The following CNTN4 variants were observed in gnomAD, a reference collection of about 807,000 sequenced individuals.
The protein encoded by CNTN4 is contactin-4.
A neutral mutation model predicts 122.5 loss-of-function variants in CNTN4; 77 were observed. That is an observed-to-expected ratio of 0.63 (90% CI 0.52 to 0.76). CNTN4 has a LOEUF of 0.76. Ranked by LOEUF, CNTN4 falls within the 30% of genes least tolerant of loss-of-function variation. The pLI is 0.00. For synonymous variants in CNTN4, 512 were observed against 447.0 expected, an observed-to-expected ratio of 1.15 and a Z score of -1.83; for missense variants, 1,256 against 1,259.1, an observed-to-expected ratio of 1.00 and a Z score of 0.04.
chr3:2,239,946 G>A (rs2039866266), intron 2 of CNTN4, among the ~76,000 whole-genome samples: 1 of 152,140 alleles, frequency 6.6e-6, no homozygotes, highest in South Asian at 2.1e-4. Context: ...TCATAACCAT[G>A]TTAGCTCAAG....
chr3:2,918,885 G>A (rs531223607), intron 12 of CNTN4, among the ~76,000 whole-genome samples: 22 of 152,176 alleles, frequency 1.4e-4, no homozygotes, highest in Non-Finnish European at 3.1e-4. Flanking sequence ...GTAGTGTTCA[G>A]GCAAAGCCTC....
chr3:2,268,373 C>A (rs1433472263), intron 2 of CNTN4, among the ~76,000 whole-genome samples: 3 of 151,974 alleles, frequency 2.0e-5, no homozygotes, highest in African/African-American at 7.2e-5. Context: ...ATGCGTGTGA[C>A]TTCTCAGGAA....
Position 2,691,105 on chromosome 3 carries a change from T to C in CNTN4, c.56-45110T>C, listed in dbSNP as rs576382039. Among the ~76,000 whole-genome samples the C allele has an allele frequency of 2.6e-5, 4 of 152,310 alleles. No individual in the cohort carries two copies. The South Asian group carries it at 8.3e-4, about 32-fold the overall frequency. On this transcript the variant is annotated intron_variant, in intron 4 of 24. Coordinates refer to ENST00000418658, the MANE Select transcript of CNTN4 (RefSeq NM_175607.3). ...CAGTGTTTAGTTTTTATATGTGCTA[T>C]TTTTTAATATGTATGGCTTGTCTCT... is the stretch of plus-strand genomic sequence containing the variant.
At position 2,900,145 on chromosome 3, in the gene CNTN4, A is replaced by G. The variant is rs577417724; in HGVS notation, c.941-540A>G. ...AGCTTCCATGTCTGCACCCAAGGCT[A>G]TTTCAATTGCTGGTCTTTTCCAATC... On this transcript the variant is annotated intron_variant, in intron 10 of 24. Coordinates refer to ENST00000418658, the MANE Select transcript of CNTN4 (RefSeq NM_175607.3). 2.0e-5 allele frequency among the ~76,000 whole-genome samples: 3 copies of G among 152,180 alleles called. 1 individual carries two copies. The highest frequency in any genetic ancestry group is 3.8e-4 in the East Asian group (2 of 5,200).
chr3:3,027,459 G>C (rs1698822888), intron 15 of CNTN4, among the ~76,000 whole-genome samples: 1 of 152,154 alleles, frequency 6.6e-6, no homozygotes, highest in South Asian at 2.1e-4. Flanking sequence ...CTTTGGCTAA[G>C]TGAAAGAAAT....
chr3:2,920,643 G>A (rs1223643606), intron 12 of CNTN4, among the ~76,000 whole-genome samples: 3 of 152,144 alleles, frequency 2.0e-5, no homozygotes, highest in Non-Finnish European at 4.4e-5. Context: ...AGAAAAGTCC[G>A]TGATAATGGT....
At chr3:2,191,844 A>AG (rs1203615327) in intron 2 of CNTN4, among the ~76,000 whole-genome samples, 13 of 151,842 alleles carry the variant, frequency 8.6e-5, no homozygotes, top group African/African-American at 1.9e-4. Context: ...CTTGTCATTT[A>AG]CATTAGGTAT....
In CNTN4 at chr3:2,883,325, C is replaced by T. The variant is rs531991158; in HGVS notation, c.755+78C>T. 575 of 1,044,382 alleles carry T rather than the reference C, an allele frequency of 5.5e-4. 1 individual carries two copies. Among genetic ancestry groups the T allele is most frequent in the Non-Finnish European group, 7.6e-4 (517 of 684,550 alleles). 64.7% of individuals were successfully genotyped at this position (1,044,382 alleles called of 1,614,324 possible). On this transcript the variant is annotated intron_variant, in intron 9 of 24. Transcript: ENST00000418658. ...AGAGTTTTTCTTGCACTGTTCACAG[C>T]GATGGTTTCTGAGGTGACGGAAAAG...
At chr3:2,742,919 G>A (rs547221183) in intron 5 of CNTN4, among the ~76,000 whole-genome samples, 45 of 152,290 alleles carry the variant, frequency 3.0e-4, no homozygotes, top group African/African-American at 9.4e-4. Flanking sequence ...TTGGTATAGC[G>A]CTTTGTAATA....
intron 4 of CNTN4, among the ~76,000 whole-genome samples, chr3:2,637,443 C>T (rs866322219): frequency 3.9e-5 from 6 of 152,084 alleles, no homozygotes; most frequent in Admixed American, 1.3e-4. Flanking sequence ...ATTAGGCATT[C>T]GATGAAGAGT....
chr3:2,366,582 C>G (rs2045386905), intron 3 of CNTN4, among the ~76,000 whole-genome samples: 1 of 151,922 alleles, frequency 6.6e-6, no homozygotes, highest in Non-Finnish European at 1.5e-5. Flanking sequence ...AAAAAATTAG[C>G]CAGGCATGGT....
At chr3:2,679,057 A>G (rs752479231) in intron 4 of CNTN4, among the ~76,000 whole-genome samples, 5 of 152,206 alleles carry the variant, frequency 3.3e-5, no homozygotes, top group Non-Finnish European at 7.3e-5. Flanking sequence ...AATTAAATAA[A>G]CACAAAACAG....
chr3:2,912,662 C>T (rs1025531759), intron 12 of CNTN4, among the ~76,000 whole-genome samples: 15 of 152,144 alleles, frequency 9.9e-5, no homozygotes, highest in African/African-American at 3.4e-4. Flanking sequence ...TAATTTGTGT[C>T]ATCAGTAACA....
chr3:2,654,342 G>C (rs1211256342), intron 4 of CNTN4, among the ~76,000 whole-genome samples: 1 of 152,138 alleles, frequency 6.6e-6, no homozygotes, highest in East Asian at 1.9e-4. Flanking sequence ...CAGATCTCAA[G>C]GGCCTAAAAG....
chr3:2,802,630 G>A (rs2092375642), intron 6 of CNTN4, among the ~76,000 whole-genome samples: 1 of 152,146 alleles, frequency 6.6e-6, no homozygotes, highest in African/African-American at 2.4e-5. Context: ...GTATTGATTG[G>A]TTGATGAAAA....
intron 3 of CNTN4, among the ~76,000 whole-genome samples, chr3:2,458,600 C>G (rs112776688): frequency 6.6e-5 from 10 of 151,930 alleles, no homozygotes; most frequent in African/African-American, 2.4e-4. Context: ...GTGCAGTTTT[C>G]TAATGAGCCT....
At chr3:2,658,700 A>C (rs2083714302) in intron 4 of CNTN4, among the ~76,000 whole-genome samples, 1 of 152,138 alleles carries the variant, frequency 6.6e-6, no homozygotes, top group African/African-American at 2.4e-5. Context: ...ATATTAGCTC[A>C]TAATCTGGGA....
Position 2,819,428 on chromosome 3 carries a change from C to A in CNTN4, c.359-58C>A. ...TTCTCTTTTGAAATAGTGGTACTCT[C>A]CCTTGATATCTTAGGACTTTAAAGT... On this transcript the variant is annotated intron_variant, in intron 6 of 24. Coordinates refer to ENST00000418658, the MANE Select transcript of CNTN4 (RefSeq NM_175607.3). 2.3e-6 allele frequency: 3 copies of A among 1,296,588 alleles called. No homozygotes were observed. In the South Asian group the frequency reaches 3.6e-5, roughly 16 times the overall value. 80.3% of individuals were successfully genotyped at this position (1,296,588 alleles called of 1,614,324 possible). A position where few individuals can be genotyped will look rare whatever the true frequency, so the allele number is the denominator to read the frequency against.
intron 2 of CNTN4, among the ~76,000 whole-genome samples, chr3:2,311,879 C>T (rs1208092632): frequency 6.6e-6 from 1 of 151,968 alleles, no homozygotes; most frequent in Non-Finnish European, 1.5e-5. Flanking sequence ...TAAAGATAAA[C>T]AGAACTTCTT....
Sources: allele counts gnomAD v4.1 joint callset (sites outside exome capture counted in the v4.1 genomes callset), GRCh38; gene constraint gnomAD v4.1.1; transcripts MANE v1.5; gene names NCBI Gene and HGNC (gene_info 2026-07-23, HGNC 2026-07-21).